NIBAN2: variants seen among roughly 807,000 people sequenced by gnomAD.
The protein encoded by NIBAN2 is protein Niban 2.
In NIBAN2, 36 loss-of-function variants were observed where a neutral mutation model predicts 81.8. The ratio of observed to expected loss-of-function variants is 0.44; its 90% CI spans 0.34 to 0.58. The LOEUF (loss-of-function observed/expected upper bound fraction) is 0.58, where lower values mean the gene tolerates loss of function less well. NIBAN2 is among the 20% of genes least tolerant of loss of function. NIBAN2 has a pLI of 0.02. For synonymous variants in NIBAN2, 445 were observed against 441.6 expected, an observed-to-expected ratio of 1.01 and a Z score of -0.10; for missense variants, 897 against 1,014.1, an observed-to-expected ratio of 0.88 and a Z score of 1.57.
chr9:127,541,992 G>GC (rs1342772492), intron 1 of NIBAN2, among the ~76,000 whole-genome samples: 1 of 151,978 alleles, frequency 6.6e-6, no homozygotes, highest in Non-Finnish European at 1.5e-5. Flanking sequence ...TCTAGTCACT[G>GC]CCCCCCAGCC....
chr9:127,523,880 CTG>C (rs1564301932), intron 4 of NIBAN2, 34 bp from the exon 5 acceptor site: 5 of 1,589,712 alleles, frequency 3.1e-6, no homozygotes, highest in Non-Finnish European at 4.3e-6. Flanking sequence ...CAGCTGCCCT[CTG>C]TGGTTGCCCT....
At chr9:127,512,208 AG>A (rs911991259) in intron 8 of NIBAN2, among the ~76,000 whole-genome samples, 7 of 152,102 alleles carry the variant, frequency 4.6e-5, no homozygotes, top group African/African-American at 1.7e-4. Context: ...ATGACCTGGA[AG>A]CCTCATGCCT....
intron 1 of NIBAN2, among the ~76,000 whole-genome samples, chr9:127,567,773 T>G (rs1837884617): frequency 6.6e-6 from 1 of 152,306 alleles, no homozygotes; most frequent in South Asian, 2.1e-4. Context: ...GTGCCTCTCC[T>G]ATGCCAGGCT....
At chr9:127,573,340 T>C (rs1837970147), upstream of NIBAN2, among the ~76,000 whole-genome samples, 1 of 151,744 alleles carries the variant, frequency 6.6e-6, no homozygotes. Flanking sequence ...GGAAAGATTG[T>C]AAAGCTCTTT....
chr9:127,509,795 CCTCCT>C (rs1276989282), intron 9 of NIBAN2: 2 of 115,136 alleles, frequency 1.7e-5, no homozygotes, highest in African/African-American at 3.2e-5. Flanking sequence ...TCCCTCCTTC[CCTCCT>C]CTCCTTCCCT....
At position 127,517,293 on chromosome 9, in the gene NIBAN2, G is replaced by T; in HGVS notation, c.706-77C>A. ...CCTGTTTCTCTCTGCATTCCCACAAGCCAGGCCGCTGCAGCCCCCACCTCC... is the reference window on the plus strand; with the variant it reads ...CCTGTTTCTCTCTGCATTCCCACAATCCAGGCCGCTGCAGCCCCCACCTCC... On this transcript the variant is annotated intron_variant, in intron 6 of 13. Transcript: ENST00000373312. The surrounding 1 kb of genome is among the most constrained non-coding windows in gnomAD (Gnocchi z 4.0). 2 of 1,282,322 alleles carry T rather than the reference G, an allele frequency of 1.6e-6. No homozygotes were observed. The highest frequency in any genetic ancestry group is 2.2e-6 in the Non-Finnish European group (2 of 903,024). 79.4% of individuals were successfully genotyped at this position (1,282,322 alleles called of 1,614,324 possible).
intron 2 of NIBAN2, among the ~76,000 whole-genome samples, chr9:127,530,985 GC>G (rs961260128): frequency 6.6e-6 from 1 of 152,068 alleles, no homozygotes; most frequent in African/African-American, 2.4e-5. Context: ...TTTGAGACCA[GC>G]CTGGGCAACA....
chr9:127,544,509 A>T (rs1837436483), intron 1 of NIBAN2, among the ~76,000 whole-genome samples: 1 of 151,548 alleles, frequency 6.6e-6, no homozygotes, highest in South Asian at 2.1e-4. Context: ...TTAATTAATT[A>T]ATTTTTTTTT....
chr9:127,526,139 C>T (rs1192711874), intron 3 of NIBAN2, among the ~76,000 whole-genome samples: 6 of 152,038 alleles, frequency 3.9e-5, no homozygotes, highest in South Asian at 2.1e-4. Context: ...CAGTGGCTCA[C>T]GCCTGTAATC....
At chr9:127,568,770 CG>C (rs1164416298) in intron 1 of NIBAN2, 49 bp downstream of exon 1, 3 of 1,246,564 alleles carry the variant, frequency 2.4e-6, no homozygotes, top group South Asian at 2.8e-5. Context: ...GGGCGTGGTC[CG>C]GGGGTTCCGG....
At chr9:127,532,227 T>A (rs1313391614) in intron 1 of NIBAN2, among the ~76,000 whole-genome samples, 1 of 152,188 alleles carries the variant, frequency 6.6e-6, no homozygotes, top group Non-Finnish European at 1.5e-5. Context: ...GAATGTGCAC[T>A]GAGGCCATAG....
intron 1 of NIBAN2, among the ~76,000 whole-genome samples, chr9:127,566,452 C>T (rs1373236360): frequency 6.6e-6 from 1 of 152,162 alleles, no homozygotes; most frequent in Non-Finnish European, 1.5e-5. Flanking sequence ...TGGAAACAAG[C>T]CTCTGCTTGC....
rs150430715 is a variant in NIBAN2 at position 127,551,352 on chromosome 9, G to A, written c.55+17468C>T. Among the ~76,000 whole-genome samples, 1,142 of 151,952 alleles carry A rather than the reference G, an allele frequency of 7.5e-3. 17 individuals carry two copies. The highest frequency in any genetic ancestry group is 0.025 in the African/African-American group (1,036 of 41,432). On this transcript the variant is annotated intron_variant, in intron 1 of 13. Coordinates refer to ENST00000373312, the MANE Select transcript of NIBAN2 (RefSeq NM_022833.4). Reference sequence around the variant, plus strand: ...GGCCTGGGCAACACGGTGAAACCCCGTCTCTACTAAAAACACAAAAATTAG... The same window carrying A: ...GGCCTGGGCAACACGGTGAAACCCCATCTCTACTAAAAACACAAAAATTAG...
intron 8 of NIBAN2, among the ~76,000 whole-genome samples, chr9:127,514,974 G>A (rs563936448): frequency 6.6e-6 from 1 of 152,110 alleles, no homozygotes; most frequent in East Asian, 1.9e-4. Flanking sequence ...GACCAGCCTG[G>A]GCAACACAGT....
chr9:127,573,305 A>AAG (rs765519426), upstream of NIBAN2, among the ~76,000 whole-genome samples: 32 of 151,154 alleles, frequency 2.1e-4, no homozygotes, highest in Middle Eastern at 6.8e-3. Flanking sequence ...CCAGAACAGA[A>AAG]TTTGTTGTTT....
At chr9:127,575,660 G>T (rs984529756) in intron 1 of NIBAN2, among the ~76,000 whole-genome samples, 1 of 151,390 alleles carries the variant, frequency 6.6e-6, no homozygotes, top group East Asian at 1.9e-4. Flanking sequence ...CTCCTGAGTA[G>T]CTGGGATTAC....
chr9:127,553,178 C>T (rs771690482), intron 1 of NIBAN2, among the ~76,000 whole-genome samples: 11 of 152,106 alleles, frequency 7.2e-5, no homozygotes, highest in Non-Finnish European at 1.2e-4. Context: ...CTAGCTATTG[C>T]TTATGTAACA....
rs757805210 is a variant in NIBAN2, at chr9:127,517,268, C to T, written c.706-52G>A. Reference sequence around the variant, plus strand: ...CAGGGGCTGGAGAGCGCTCAGCTGGCCTGTTTCTCTCTGCATTCCCACAAG... The same window carrying T: ...CAGGGGCTGGAGAGCGCTCAGCTGGTCTGTTTCTCTCTGCATTCCCACAAG... On this transcript the variant is annotated intron_variant, in intron 6 of 13. Coordinates refer to ENST00000373312, the MANE Select transcript of NIBAN2 (RefSeq NM_022833.4). This position sits in a 1 kb window ranked among gnomAD's most constrained non-coding sequence, Gnocchi z 4.0. 12 of 1,516,236 alleles carry T rather than the reference C, an allele frequency of 7.9e-6. No homozygotes were observed. The African/African-American group carries it at 1.4e-4, about 17-fold the overall frequency. 93.9% of individuals were successfully genotyped at this position (1,516,236 alleles called of 1,614,324 possible). A position where few individuals can be genotyped will look rare whatever the true frequency, so the allele number is the denominator to read the frequency against.
intron 8 of NIBAN2, among the ~76,000 whole-genome samples, chr9:127,515,160 C>T (rs1184647200): frequency 2.0e-5 from 3 of 151,938 alleles, no homozygotes; most frequent in Non-Finnish European, 1.5e-5. Flanking sequence ...CAGGAGGTCA[C>T]GCAGTGAACC....
Sources: allele counts gnomAD v4.1 joint callset (sites outside exome capture counted in the v4.1 genomes callset), GRCh38; gene constraint gnomAD v4.1.1; non-coding constraint Gnocchi (gnomAD v3.1); transcripts MANE v1.5; gene names NCBI Gene and HGNC (gene_info 2026-07-23, HGNC 2026-07-21).